Variants in SLC44A1 observed in about 807,000 individuals in gnomAD.
SLC44A1 encodes solute carrier family 44 member 1.
Under a neutral mutation model 79.3 loss-of-function variants are expected in SLC44A1, and 26 were observed. The ratio of observed to expected loss-of-function variants is 0.33; its 90% CI spans 0.24 to 0.46. The LOEUF (loss-of-function observed/expected upper bound fraction) is 0.46. SLC44A1 is among the 20% of genes least tolerant of loss of function. The probability of loss-of-function intolerance (pLI) is 1.00; values close to 1 mark genes in which losing one functional copy is unlikely to be tolerated. For missense variants in SLC44A1, 688 were observed against 798.1 expected (o/e 0.86, Z 1.66); for synonymous variants, 263 against 286.2 (o/e 0.92, Z 0.82).
At chr9:105,257,523 C>T (rs939982693) in intron 1 of SLC44A1, among the ~76,000 whole-genome samples, 2 of 152,162 alleles carry the variant, frequency 1.3e-5, no homozygotes, top group Non-Finnish European at 2.9e-5. Context: ...AGCTACCGTG[C>T]CTGGCTCCCA....
intron 1 of SLC44A1, among the ~76,000 whole-genome samples, chr9:105,270,835 T>C (rs1830059621): frequency 6.6e-6 from 1 of 152,228 alleles, no homozygotes; most frequent in African/African-American, 2.4e-5. Flanking sequence ...TCAATGTTTG[T>C]TGAATGAATG....
chr9:105,389,552 A>G lies in SLC44A1; in HGVS notation c.*496A>G. The G allele has an allele frequency of 9.2e-7, 1 of 1,089,144 alleles. No individual in the cohort carries two copies. Among genetic ancestry groups the G allele is most frequent in the Non-Finnish European group, 1.1e-6 (1 of 897,236 alleles). 67.5% of individuals were successfully genotyped at this position (1,089,144 alleles called of 1,614,324 possible). On this transcript the variant is annotated 3_prime_UTR_variant, in exon 16 of 16. Coordinates refer to ENST00000374720, the MANE Select transcript of SLC44A1 (RefSeq NM_080546.5). The stretch of plus-strand genomic sequence containing the variant: ...GCATATGCTTTCAGATAAATAAGGA[A>G]TTACTCCAATCAGTTTTCCCCAATC...
At chr9:105,319,548 T>C (rs1826320173) in intron 3 of SLC44A1, among the ~76,000 whole-genome samples, 1 of 152,112 alleles carries the variant, frequency 6.6e-6, no homozygotes, top group South Asian at 2.1e-4. Flanking sequence ...TCTGGTCAAT[T>C]TGATACCATG....
chr9:105,266,844 T>A (rs1829974199), intron 1 of SLC44A1, among the ~76,000 whole-genome samples: 1 of 152,198 alleles, frequency 6.6e-6, no homozygotes, highest in Admixed American at 6.6e-5. Flanking sequence ...CTACAAAAAA[T>A]TTTGCTGCGA....
At chr9:105,341,415 G>C (rs1322505988) in intron 4 of SLC44A1, among the ~76,000 whole-genome samples, 4 of 151,602 alleles carry the variant, frequency 2.6e-5, no homozygotes, top group African/African-American at 9.7e-5. Context: ...TGGGTCGTGG[G>C]GTACAAATGT....
chr9:105,433,639 A>T (rs1588883073), intron 15 of SLC44A1, among the ~76,000 whole-genome samples: 1 of 107,830 alleles, frequency 9.3e-6, no homozygotes, highest in Non-Finnish European at 1.9e-5. Flanking sequence ...CCCCTGCTTC[A>T]CCCCTCCACT....
At position 105,354,271 on chromosome 9, in the gene SLC44A1, C is replaced by T. The variant is rs370703899; in HGVS notation, c.501-1941C>T. ...TTCACCGTGTTAGCCAGGATGGTCT[C>T]GATCTCCTGACCTCGTGATCCGCCC... On this transcript the variant is annotated intron_variant, in intron 5 of 15. Transcript: ENST00000374720. Among the ~76,000 whole-genome samples, 22 of 151,226 alleles carry T rather than the reference C, an allele frequency of 1.5e-4. No homozygotes were observed. The East Asian group carries it at 1.6e-3, about 11-fold the overall frequency.
downstream of SLC44A1, among the ~76,000 whole-genome samples, chr9:105,397,720 A>G (rs563656407): frequency 3.3e-4 from 50 of 152,150 alleles, no homozygotes; most frequent in African/African-American, 1.1e-3. Flanking sequence ...CGAGGCGGAC[A>G]GATCACAAGA....
rs141271113 is a variant in SLC44A1, at chr9:105,412,990, T to C, written c.1951-25291T>C. ...CAGAGACAAGCCTAGAGAAGATATC[T>C]ACTGGGAAAAGAGACATCTTGGGGT... On this transcript the variant is annotated intron_variant, in intron 15 of 15. Transcript: ENST00000374724. 3.7e-3 allele frequency among the ~76,000 whole-genome samples: 568 copies of C among 152,222 alleles called. 2 individuals carry two copies. The highest frequency in any genetic ancestry group is 0.01 in the Middle Eastern group (3 of 294).
At chr9:105,304,944 G>GTTTTTTT (rs10589897) in intron 2 of SLC44A1, among the ~76,000 whole-genome samples, 4 of 20,078 alleles carry the variant, frequency 2.0e-4, no homozygotes, top group East Asian at 1.9e-3. Flanking sequence ...ACTTTCTATC[G>GTTTTTTT]TTTTTTTTTT....
At chr9:105,357,614 C>G (rs573136291) in intron 6 of SLC44A1, among the ~76,000 whole-genome samples, 4 of 152,198 alleles carry the variant, frequency 2.6e-5, no homozygotes, top group Non-Finnish European at 5.9e-5. Context: ...TTCCTTTCTT[C>G]TTTAAGATTT....
chr9:105,336,117 TATGTGTGTGTGTGTGC>T (rs1196701679), intron 4 of SLC44A1, among the ~76,000 whole-genome samples: 4 of 148,938 alleles, frequency 2.7e-5, no homozygotes, highest in Non-Finnish European at 5.9e-5. Context: ...TATACATACA[TATGTGTGTGTGTGTGC>T]ATGTGTGTGT....
In SLC44A1 at chr9:105,364,689, G is replaced by A; in HGVS notation, c.1222G>A (p.Ala408Thr). ...FILACQQMTV[A>T]GAVVTYYFTR... ...TCTAGCATGTCAGCAGATGACAGTG[G>A]CAGGAGCTGTGGTAACATACTATTT... Residue 408 changes from alanine (A) to threonine (T), a missense_variant, in exon 10 of 16, where the codon GCA (alanine) becomes ACA (threonine). Coordinates refer to ENST00000374720, the MANE Select transcript of SLC44A1 (RefSeq NM_080546.5). 6.2e-7 allele frequency: 1 copy of A among 1,613,926 alleles called. No homozygotes were observed. Among genetic ancestry groups the A allele is most frequent in the Admixed American group, 1.7e-5 (1 of 59,984 alleles).
At chr9:105,383,054 C>T in intron 13 of SLC44A1, 69 bp from the exon 14 acceptor site, 1 of 1,085,578 alleles carries the variant, frequency 9.2e-7, no homozygotes, top group Non-Finnish European at 1.4e-6. Flanking sequence ...TTTAAGTCTG[C>T]AAATGGTGAA....
intron 2 of SLC44A1, among the ~76,000 whole-genome samples, chr9:105,308,566 G>C (rs1306810098): frequency 2.0e-5 from 3 of 152,130 alleles, no homozygotes; most frequent in African/African-American, 7.2e-5. Flanking sequence ...GGCTTATTTA[G>C]AACACAGTTT....
At chr9:105,327,967 C>T (rs984267224) in intron 3 of SLC44A1, among the ~76,000 whole-genome samples, 1 of 151,980 alleles carries the variant, frequency 6.6e-6, no homozygotes, top group South Asian at 2.1e-4. Context: ...CTTATTTAGG[C>T]CTACACCTGG....
At chr9:105,317,903 C>T (rs758205075) in intron 3 of SLC44A1, among the ~76,000 whole-genome samples, 13 of 152,162 alleles carry the variant, frequency 8.5e-5, no homozygotes, top group Non-Finnish European at 1.2e-4. Context: ...CTTAGGGATA[C>T]GTTTAAACAA....
At chr9:105,299,138 A>C in intron 1 of SLC44A1, 82 bp from the exon 2 acceptor site, 2 of 929,116 alleles carry the variant, frequency 2.2e-6, no homozygotes, top group Non-Finnish European at 3.3e-6. Flanking sequence ...GAAGGGCTCT[A>C]GCTATAGCTG....
intron 5 of SLC44A1, among the ~76,000 whole-genome samples, chr9:105,354,505 C>A (rs1468909458): frequency 6.6e-6 from 1 of 152,104 alleles, no homozygotes; most frequent in Non-Finnish European, 1.5e-5. Context: ...TCTTAGAATG[C>A]TGTGGCTTCC....
Sources: allele counts gnomAD v4.1 joint callset (sites outside exome capture counted in the v4.1 genomes callset), GRCh38; gene constraint gnomAD v4.1.1; transcripts MANE v1.5; gene names NCBI Gene and HGNC (gene_info 2026-07-23, HGNC 2026-07-21).